The following SSBP2 variants were observed in gnomAD, a reference collection of about 807,000 sequenced individuals.
SSBP2 encodes the protein single-stranded DNA-binding protein 2.
Under a neutral mutation model 61.8 loss-of-function variants are expected in SSBP2, and 17 were observed. The observed-to-expected ratio is 0.28, with a 90% CI of 0.19 to 0.41. SSBP2 has a LOEUF of 0.41. Ranked by LOEUF, SSBP2 falls within the 10% of genes least tolerant of loss-of-function variation. The pLI is 1.00. For missense variants in SSBP2, 310 were observed against 458.7 expected (o/e 0.68, Z 2.96); for synonymous variants, 139 against 141.3 (o/e 0.98, Z 0.12).
intron 9 of SSBP2, 56 bp from the exon 10 acceptor site, chr5:81,461,159 A>T: frequency 7.6e-7 from 1 of 1,310,564 alleles, no homozygotes; most frequent in South Asian, 1.4e-5. Flanking sequence ...GTTTCACAAT[A>T]ATCAATGACA....
intron 1 of SSBP2, among the ~76,000 whole-genome samples, chr5:81,707,732 T>G (rs1754493392): frequency 6.6e-6 from 1 of 152,180 alleles, no homozygotes; most frequent in Non-Finnish European, 1.5e-5. Context: ...AACTAGAAAT[T>G]CAGGAGTCCT....
chr5:81,565,932 T>C (rs907017652), intron 4 of SSBP2, among the ~76,000 whole-genome samples: 1 of 152,178 alleles, frequency 6.6e-6, no homozygotes, highest in Non-Finnish European at 1.5e-5. Context: ...AACTCAACTT[T>C]CATTCTTAAA....
intron 3 of SSBP2, among the ~76,000 whole-genome samples, chr5:81,623,953 T>A (rs1220800661): frequency 6.6e-6 from 1 of 152,186 alleles, no homozygotes; most frequent in Non-Finnish European, 1.5e-5. Context: ...TGATCTTGTT[T>A]AACATAGGCA....
intron 3 of SSBP2, 126 bp from the exon 4 acceptor site, chr5:81,615,683 C>G (rs1745940522): frequency 4.9e-6 from 3 of 612,326 alleles, no homozygotes; most frequent in African/African-American, 3.8e-5. Flanking sequence ...AGATATCTAT[C>G]TGAAAGACTT....
At chr5:81,444,983 C>T (rs1347638863) in intron 12 of SSBP2, among the ~76,000 whole-genome samples, 1 of 150,694 alleles carries the variant, frequency 6.6e-6, no homozygotes, top group African/African-American at 2.4e-5. Context: ...ATTAGCCGGG[C>T]ATGGTGGCAC....
At chr5:81,549,654 A>G (rs552463547) in intron 4 of SSBP2, among the ~76,000 whole-genome samples, 1 of 152,336 alleles carries the variant, frequency 6.6e-6, no homozygotes, top group South Asian at 2.1e-4. Flanking sequence ...TGAATGATTC[A>G]TACAAAAATT....
chr5:81,461,618 A>G (rs958293353), intron 9 of SSBP2, among the ~76,000 whole-genome samples: 4 of 152,098 alleles, frequency 2.6e-5, no homozygotes, highest in African/African-American at 9.7e-5. Flanking sequence ...AGTATCACAC[A>G]TTACTTTTAT....
In SSBP2 at chr5:81,625,239, G is replaced by A. The variant is rs184661333; in HGVS notation, c.198-9682C>T. Among the ~76,000 whole-genome samples the A allele has an allele frequency of 2.6e-4, 40 of 152,146 alleles. 1 individual carries two copies. The highest frequency in any genetic ancestry group is 6.8e-3 in the Middle Eastern group (2 of 292). On this transcript the variant is annotated intron_variant, in intron 3 of 16. Coordinates refer to ENST00000320672, the MANE Select transcript of SSBP2 (RefSeq NM_012446.5). ...GCAATACTTGATTTGTGCTTGGGTC[G>A]AGGGATTTTTCTGATGTACTTTAGT...
In SSBP2 at chr5:81,446,719, A is replaced by G. The variant is rs1763424660; in HGVS notation, c.778+149T>C. ...TTAACTGGATAATACTTATTTAAGA[A>G]CACTATATTTCTTCCTACCATGCTG... On this transcript the variant is annotated intron_variant, in intron 12 of 16. Coordinates refer to ENST00000320672, the MANE Select transcript of SSBP2 (RefSeq NM_012446.5). 1.2e-5 allele frequency: 8 copies of G among 679,314 alleles called. No homozygotes were observed. In the South Asian group the frequency reaches 2.1e-4, roughly 17 times the overall value. 42.1% of individuals were successfully genotyped at this position (679,314 alleles called of 1,614,324 possible). A position where few individuals can be genotyped will look rare whatever the true frequency, so the allele number is the denominator to read the frequency against.
intron 4 of SSBP2, among the ~76,000 whole-genome samples, chr5:81,555,458 A>G (rs1359453338): frequency 6.6e-6 from 1 of 152,080 alleles, no homozygotes; most frequent in Non-Finnish European, 1.5e-5. Flanking sequence ...ATGTGTCCTT[A>G]GTGGCATTAT....
intron 4 of SSBP2, among the ~76,000 whole-genome samples, chr5:81,551,509 AT>A (rs1561531612): frequency 6.6e-6 from 1 of 152,192 alleles, no homozygotes; most frequent in Non-Finnish European, 1.5e-5. Flanking sequence ...TCAGTCTACA[AT>A]CAGTCTTTCT....
At chr5:81,646,178 C>T (rs908494606) in intron 2 of SSBP2, among the ~76,000 whole-genome samples, 1 of 152,126 alleles carries the variant, frequency 6.6e-6, no homozygotes, top group South Asian at 2.1e-4. Context: ...AAAGAAGTGA[C>T]CCAGCACAGT....
intron 1 of SSBP2, among the ~76,000 whole-genome samples, chr5:81,717,696 T>C (rs995915603): frequency 2.0e-5 from 3 of 152,216 alleles, no homozygotes; most frequent in Non-Finnish European, 4.4e-5. Context: ...CAAGACTTTC[T>C]ACCAGCTTCT....
intron 2 of SSBP2, 26 bp downstream of exon 2, chr5:81,650,241 C>A (rs1002239913): frequency 6.8e-7 from 1 of 1,460,966 alleles, no homozygotes; most frequent in Non-Finnish European, 9.3e-7. Context: ...GATCAAAATG[C>A]AATACAGAAA....
chr5:81,556,986 G>T (rs1028969971), intron 4 of SSBP2, among the ~76,000 whole-genome samples: 1 of 152,014 alleles, frequency 6.6e-6, no homozygotes, highest in Non-Finnish European at 1.5e-5. Flanking sequence ...ACAGTCTCTG[G>T]GTTTTTCTCT....
Position 81,729,881 on chromosome 5 carries a change from T to C in SSBP2, c.62+21100A>G, listed in dbSNP as rs550748428. ...GTTGACTGAGAAATAAGTGGTTATATAGATAGGTCAAAATAAATAGTTATA... is the reference window on the plus strand; with the variant it reads ...GTTGACTGAGAAATAAGTGGTTATACAGATAGGTCAAAATAAATAGTTATA... On this transcript the variant is annotated intron_variant, in intron 1 of 16. Coordinates refer to ENST00000320672, the MANE Select transcript of SSBP2 (RefSeq NM_012446.5). Among the ~76,000 whole-genome samples the C allele has an allele frequency of 3.3e-5, 5 of 152,224 alleles. No homozygotes were observed. In the South Asian group the frequency reaches 8.3e-4, roughly 25 times the overall value.
rs150490678 is a variant in SSBP2 at position 81,615,511 on chromosome 5, A to G, written c.244T>C (p.Cys82Arg). 3.1e-6 allele frequency: 5 copies of G among 1,613,830 alleles called. No individual in the cohort carries two copies. In the East Asian group the frequency reaches 6.7e-5, roughly 22 times the overall value. ...GCTTTTGCTTCACTTGAGTGTTCAC[A>G]TGTTTCACGTCTCTCTGGAGCTGCA... is the stretch of plus-strand genomic sequence containing the variant. Residue 82 changes from cysteine (C) to arginine (R), a missense_variant, in exon 4 of 17, where the codon TGT becomes CGT. Coordinates refer to ENST00000320672, the MANE Select transcript of SSBP2 (RefSeq NM_012446.5).
chr5:81,745,179 A>G (rs760575592), intron 1 of SSBP2, among the ~76,000 whole-genome samples: 11 of 152,066 alleles, frequency 7.2e-5, no homozygotes, highest in Admixed American at 1.3e-4. Context: ...CACACAAAGA[A>G]TAAAATAGGT....
chr5:81,750,522 C>T (rs1184219641), intron 1 of SSBP2, among the ~76,000 whole-genome samples: 2 of 147,226 alleles, frequency 1.4e-5, no homozygotes, highest in Admixed American at 6.7e-5. Context: ...CGCTGCCCGC[C>T]CCGACCCCGG....
Sources: gnomAD v4.1 joint callset for allele counts (sites outside exome capture counted in the v4.1 genomes callset) on GRCh38, gnomAD v4.1.1 for gene constraint, MANE v1.5 for transcripts, NCBI Gene and HGNC (gene_info 2026-07-23, HGNC 2026-07-21) for gene names.